Variants in MICAL2 observed in about 807,000 individuals in gnomAD.
MICAL2 encodes the protein microtubule associated monooxygenase, calponin and LIM domain containing 2, also known as [F-actin]-monooxygenase MICAL2.
In MICAL2, 77 loss-of-function variants were observed where a neutral mutation model predicts 127.3. The observed-to-expected ratio is 0.60, with a 90% confidence interval of 0.50 to 0.73. The LOEUF is 0.73. MICAL2 is among the 30% of genes least tolerant of loss of function. The probability of loss-of-function intolerance (pLI) is 0.00; values close to 1 mark genes in which losing one functional copy is unlikely to be tolerated. For missense variants in MICAL2, 1,351 were observed against 1,434.4 expected (o/e 0.94, Z 0.94); for synonymous variants, 570 against 551.1 (o/e 1.03, Z -0.48).
At chr11:12,294,725 C>T (rs778255579), downstream of MICAL2, 1 of 1,613,936 alleles carries the variant, frequency 6.2e-7, no homozygotes, top group Non-Finnish European at 8.5e-7. Context: ...GAGGAAGGTG[C>T]TGCCTGAAGA....
chr11:12,327,283 G>C (rs1365866112), intron 32 of MICAL2: 1 of 1,546,512 alleles, frequency 6.5e-7, no homozygotes, highest in Non-Finnish European at 8.7e-7. Context: ...CATCCCAGCA[G>C]ATCCGGAGCA....
At chr11:12,268,764 G>A (rs528360392), downstream of MICAL2, among the ~76,000 whole-genome samples, 25 of 152,236 alleles carry the variant, frequency 1.6e-4, 1 homozygote, top group South Asian at 5.0e-3. Flanking sequence ...GCCAAGGTGG[G>A]CGGATCAGGA....
chr11:12,181,945 T>C (rs900196664), intron 3 of MICAL2, among the ~76,000 whole-genome samples: 3 of 152,252 alleles, frequency 2.0e-5, no homozygotes, highest in African/African-American at 7.2e-5. Context: ...AGGGACACTG[T>C]AGGCAACAAA....
intron 1 of MICAL2, among the ~76,000 whole-genome samples, chr11:12,114,570 C>T (rs1849847539): frequency 6.6e-6 from 1 of 152,210 alleles, no homozygotes; most frequent in Non-Finnish European, 1.5e-5. Flanking sequence ...GAGCCCACCT[C>T]TTGGCTGTGC....
At chr11:12,118,410 A>G (rs767543673) in intron 1 of MICAL2, among the ~76,000 whole-genome samples, 1 of 152,184 alleles carries the variant, frequency 6.6e-6, no homozygotes, top group East Asian at 1.9e-4. Context: ...TAGTCTAGGC[A>G]TGTCCTGGTG....
At chr11:12,312,994 G>A (rs1170051992) in intron 29 of MICAL2, among the ~76,000 whole-genome samples, 2 of 151,904 alleles carry the variant, frequency 1.3e-5, no homozygotes, top group East Asian at 3.9e-4. Flanking sequence ...GTGAAACCCC[G>A]TCTCTACTAA....
intron 3 of MICAL2, among the ~76,000 whole-genome samples, chr11:12,197,134 A>G (rs1228070755): frequency 6.6e-6 from 1 of 152,230 alleles, no homozygotes; most frequent in Non-Finnish European, 1.5e-5. Context: ...TGTAATCCCC[A>G]GAGCCATCTC....
At chr11:12,302,184 T>C (rs1263727438) in intron 29 of MICAL2, among the ~76,000 whole-genome samples, 1 of 152,204 alleles carries the variant, frequency 6.6e-6, no homozygotes, top group African/African-American at 2.4e-5. Flanking sequence ...CGCGAGTCTG[T>C]TCTTTTCATA....
chr11:12,346,634 G>T (rs984829858), intron 32 of MICAL2, among the ~76,000 whole-genome samples: 2 of 152,046 alleles, frequency 1.3e-5, no homozygotes, highest in African/African-American at 4.8e-5. Flanking sequence ...GCTTTCCCTC[G>T]CTTTCTCCAC....
At chr11:12,138,824 C>A (rs147071792) in intron 2 of MICAL2, among the ~76,000 whole-genome samples, 2 of 152,296 alleles carry the variant, frequency 1.3e-5, no homozygotes, top group African/African-American at 4.8e-5. Context: ...GGAGTCTCAT[C>A]CCTGAGGTTT....
At chr11:12,294,922 T>C, downstream of MICAL2, 10 of 1,394,742 alleles carry the variant, frequency 7.2e-6, no homozygotes, top group Non-Finnish European at 9.3e-6. Context: ...CTTCATTGCA[T>C]CGACAAGCAG....
At chr11:12,251,692 T>A (rs934498097) in intron 22 of MICAL2, among the ~76,000 whole-genome samples, 2 of 150,250 alleles carry the variant, frequency 1.3e-5, no homozygotes, top group Admixed American at 1.3e-4. Context: ...CCAGGTGTGG[T>A]CTTCATCCTG....
intron 32 of MICAL2, among the ~76,000 whole-genome samples, chr11:12,341,160 C>A (rs1938857975): frequency 6.6e-6 from 1 of 152,112 alleles, no homozygotes; most frequent in African/African-American, 2.4e-5. Context: ...AAGACAGGGA[C>A]CGAAACCCAG....
At chr11:12,273,764 C>T (rs1863696805), upstream of MICAL2, among the ~76,000 whole-genome samples, 1 of 152,056 alleles carries the variant, frequency 6.6e-6, no homozygotes, top group Non-Finnish European at 1.5e-5. Flanking sequence ...CTGAGACGGC[C>T]AGCCACAGGG....
intron 1 of MICAL2, among the ~76,000 whole-genome samples, chr11:12,120,032 G>C (rs1171928602): frequency 1.3e-5 from 2 of 152,158 alleles, no homozygotes; most frequent in Admixed American, 1.3e-4. Context: ...TGTACCGAAG[G>C]ACAGAGCCTC....
chr11:12,327,329 T>A (rs2134853240), intron 32 of MICAL2: 2 of 1,400,992 alleles, frequency 1.4e-6, no homozygotes, highest in Non-Finnish European at 1.9e-6. Context: ...AGCGTAACCA[T>A]CTGAGGAAAA....
chr11:12,122,832 C>T (rs1218145872), intron 1 of MICAL2, among the ~76,000 whole-genome samples: 2 of 152,192 alleles, frequency 1.3e-5, no homozygotes, highest in African/African-American at 4.8e-5. Flanking sequence ...AACTGCAGGT[C>T]TGGGAGAGCC....
chr11:12,165,877 A>G (rs996318479), intron 3 of MICAL2, among the ~76,000 whole-genome samples: 3 of 152,202 alleles, frequency 2.0e-5, no homozygotes, highest in African/African-American at 7.2e-5. Flanking sequence ...ACTTGGGATT[A>G]TTGTTTATTA....
At chr11:12,360,599 G>A (rs1034225112), downstream of MICAL2, among the ~76,000 whole-genome samples, 4 of 152,306 alleles carry the variant, frequency 2.6e-5, no homozygotes, top group East Asian at 1.9e-4. Flanking sequence ...ATGTTCAAGC[G>A]TGTCATGTTT....
Sources: gnomAD v4.1 joint callset for allele counts (sites outside exome capture counted in the v4.1 genomes callset) on GRCh38, gnomAD v4.1.1 for gene constraint, MANE v1.5 for transcripts, NCBI Gene and HGNC (gene_info 2026-07-23, HGNC 2026-07-21) for gene names.